Variants in ADIPOR1 observed in about 807,000 individuals in gnomAD.
ADIPOR1 encodes adiponectin receptor protein 1.
In ADIPOR1, 15 loss-of-function variants were observed where a neutral mutation model predicts 37.5. That is an observed-to-expected ratio of 0.40 (90% CI 0.27 to 0.62). The LOEUF (loss-of-function observed/expected upper bound fraction) is 0.62, where lower values mean the gene tolerates loss of function less well. Ranked by LOEUF, ADIPOR1 falls within the 20% of genes least tolerant of loss-of-function variation. ADIPOR1 has a pLI of 0.42. For missense variants in ADIPOR1, 286 were observed against 478.0 expected (o/e 0.60, Z 3.75); for synonymous variants, 173 against 173.2 (o/e 1.00, Z 0.01).
intron 1 of ADIPOR1, among the ~76,000 whole-genome samples, chr1:202,956,585 AGT>A (rs2102496874): frequency 6.6e-6 from 1 of 152,330 alleles, no homozygotes; most frequent in South Asian, 2.1e-4. Flanking sequence ...TCAAAAGAAA[AGT>A]GCAACTTTAG....
At chr1:202,949,579 C>G (rs867057609) in intron 2 of ADIPOR1, among the ~76,000 whole-genome samples, 1 of 99,144 alleles carries the variant, frequency 1.0e-5, no homozygotes, top group African/African-American at 3.7e-5. Context: ...ACTCTGTCTC[C>G]AAAAAAAAAA....
At chr1:202,956,524 A>C (rs550802433) in intron 1 of ADIPOR1, among the ~76,000 whole-genome samples, 113 of 152,320 alleles carry the variant, frequency 7.4e-4, no homozygotes, top group Admixed American at 1.8e-3. Context: ...TGGGGGAAAT[A>C]ACTTTCCTAA....
At chr1:202,944,042 T>G (rs1160742438) in intron 5 of ADIPOR1, 97 bp from the exon 6 acceptor site, 1 of 1,138,498 alleles carries the variant, frequency 8.8e-7, no homozygotes, top group East Asian at 2.6e-5. Flanking sequence ...GCTCCCAGAT[T>G]TAACCATTCC....
chr1:202,953,808 G>A (rs930065952), intron 1 of ADIPOR1, among the ~76,000 whole-genome samples: 1 of 152,216 alleles, frequency 6.6e-6, no homozygotes, highest in Non-Finnish European at 1.5e-5. Context: ...GATTGCTCCA[G>A]GAGGGCAGTG....
At position 202,946,026 on chromosome 1, in the gene ADIPOR1, TA is replaced by T. The variant is rs1003834555; in HGVS notation, c.430+412del. 8.1e-5 allele frequency among the ~76,000 whole-genome samples: 10 copies of T among 122,808 alleles called. No individual in the cohort carries two copies. In the East Asian group the frequency reaches 1.9e-3, roughly 23 times the overall value. The allele number at this position is 122,808 out of a possible 152,430, so 80.6% of individuals were successfully genotyped here. On this transcript the variant is annotated intron_variant, in intron 4 of 7. Transcript: ENST00000340990. ...CTTTGTAACCCAAGAGCTATTGAAATAAAAAAAAAATCAGAAAGCTATGAGG... is the reference window on the plus strand; with the variant it reads ...CTTTGTAACCCAAGAGCTATTGAAATAAAAAAAAATCAGAAAGCTATGAGG...
intron 2 of ADIPOR1, among the ~76,000 whole-genome samples, chr1:202,950,668 A>G (rs535406730): frequency 6.6e-6 from 1 of 152,172 alleles, no homozygotes; most frequent in Non-Finnish European, 1.5e-5. Flanking sequence ...TCCTTCATTC[A>G]TTCAGATATT....
In ADIPOR1 at chr1:202,941,435, T is replaced by C; in HGVS notation, c.*138A>G. The C allele has an allele frequency of 9.1e-7, 1 of 1,100,282 alleles. No homozygotes were observed. The highest frequency in any genetic ancestry group is 2.7e-5 in the East Asian group (1 of 37,566). 68.2% of individuals were successfully genotyped at this position (1,100,282 alleles called of 1,614,324 possible). On this transcript the variant is annotated 3_prime_UTR_variant, in exon 8 of 8. Transcript: ENST00000340990. ...TTGCCCAGTGGGTGTGAAAGTGGGC[T>C]GAAGCTTGGTTGGTACTGAATTCTC...
In ADIPOR1 at chr1:202,951,133, AG is replaced by A; in HGVS notation, c.-64del. On this transcript the variant is annotated 5_prime_UTR_variant, in exon 2 of 8. Coordinates refer to ENST00000340990, the MANE Select transcript of ADIPOR1 (RefSeq NM_015999.6). ...GGAAAGGTTGGGGTCTCTCAGCCCC[AG>A]GGGGCAGAGATCTCCCTCTGATGGT... 6.3e-7 allele frequency: 1 copy of A among 1,594,346 alleles called. No homozygotes were observed.
At chr1:202,957,842 G>A (rs1489905414) in intron 1 of ADIPOR1, among the ~76,000 whole-genome samples, 1 of 152,174 alleles carries the variant, frequency 6.6e-6, no homozygotes, top group Non-Finnish European at 1.5e-5. Flanking sequence ...CTTAACTCTG[G>A]CTCTCTGGTC....
intron 1 of ADIPOR1, among the ~76,000 whole-genome samples, chr1:202,956,690 G>A (rs10920533): frequency 0.22 from 33,635 of 152,088 alleles, 4,228 homozygotes; most frequent in Non-Finnish European, 0.3. Flanking sequence ...GGTATATGGT[G>A]TGAACATGCC....
At chr1:202,946,921 CCTGA>C (rs1225388941) in intron 3 of ADIPOR1, among the ~76,000 whole-genome samples, 29 of 151,700 alleles carry the variant, frequency 1.9e-4, no homozygotes, top group African/African-American at 6.3e-4. Context: ...TCAAGACCTG[CCTGA>C]CTAACATGGT....
At position 202,943,772 on chromosome 1, in the gene ADIPOR1, C is replaced by T. The variant is rs1163115003; in HGVS notation, c.791G>A (p.Arg264Gln). The T allele has an allele frequency of 6.2e-7, 1 of 1,613,142 alleles. No homozygotes were observed. The highest frequency in any genetic ancestry group is 8.5e-7 in the Non-Finnish European group (1 of 1,179,942). ...TTCCGACCTACCTGCTCTTGTCTGC[C>T]GGTGCTTAGGAGTGGCAAACCGGTC... Reference protein sequence around the residue: ...QWDRFATPKHRQTRAGVFLGL... With the variant: ...QWDRFATPKHQQTRAGVFLGL... The change falls in exon 6 of 8, where the codon CGG (arginine) becomes CAG (glutamine). Residue 264 changes from arginine (R) to glutamine (Q), a missense_variant. Coordinates refer to ENST00000340990, the MANE Select transcript of ADIPOR1 (RefSeq NM_015999.6).
intron 3 of ADIPOR1, 135 bp from the exon 4 acceptor site, chr1:202,946,745 G>C (rs1356209673): frequency 2.6e-6 from 2 of 783,390 alleles, no homozygotes; most frequent in Admixed American, 5.0e-5. Context: ...GAACCAGCCT[G>C]GACTGGGGGA....
intron 4 of ADIPOR1, among the ~76,000 whole-genome samples, chr1:202,946,026 T>TA (rs1003834555): frequency 2.9e-4 from 36 of 122,838 alleles, no homozygotes; most frequent in East Asian, 7.0e-4. Context: ...GCTATTGAAA[T>TA]AAAAAAAAAA....
chr1:202,955,759 G>A (rs974232751), intron 1 of ADIPOR1, among the ~76,000 whole-genome samples: 1 of 151,960 alleles, frequency 6.6e-6, no homozygotes, highest in Non-Finnish European at 1.5e-5. Context: ...GTGAGCCACC[G>A]TGCCCAGCCA....
intron 5 of ADIPOR1, chr1:202,944,298 T>A (rs1471293581): frequency 5.4e-6 from 1 of 184,194 alleles, no homozygotes; most frequent in African/African-American, 2.3e-5. Flanking sequence ...ATTCTCCTAT[T>A]CTGATAGAAT....
rs1408675466 is a variant in ADIPOR1, at chr1:202,942,229, C to G, written c.806-11G>C. On this transcript the variant is annotated splice_polypyrimidine_tract_variant and intron_variant, in intron 6 of 7. Transcript: ENST00000340990. ...GTCCCAGGAACACGCCTGAACAGAA[C>G]AGACATAAGACTGTCAAACAAGGAA... 9 of 1,609,022 alleles carry G rather than the reference C, an allele frequency of 5.6e-6. No individual in the cohort carries two copies. The highest frequency in any genetic ancestry group is 2.2e-5 in the East Asian group (1 of 44,792).
chr1:202,949,796 A>G (rs1184278141), intron 2 of ADIPOR1, among the ~76,000 whole-genome samples: 1 of 151,974 alleles, frequency 6.6e-6, no homozygotes, highest in Admixed American at 6.6e-5. Flanking sequence ...CTACCCTAAC[A>G]TCCATTCTCT....
intron 1 of ADIPOR1, among the ~76,000 whole-genome samples, chr1:202,955,934 T>A (rs1654766011): frequency 6.6e-6 from 1 of 152,088 alleles, no homozygotes; most frequent in Non-Finnish European, 1.5e-5. Context: ...TGCCACCACA[T>A]CCGGATAATT....
Sources: gnomAD v4.1 joint callset for allele counts (sites outside exome capture counted in the v4.1 genomes callset) on GRCh38, gnomAD v4.1.1 for gene constraint, MANE v1.5 for transcripts, NCBI Gene and HGNC (gene_info 2026-07-23, HGNC 2026-07-21) for gene names.